PCDHGB1: variants seen among roughly 807,000 people sequenced by gnomAD.
The protein encoded by PCDHGB1 is protocadherin gamma-B1.
Under a neutral mutation model 56.6 loss-of-function variants are expected in PCDHGB1, and 34 were observed. The observed-to-expected ratio is 0.60, with a 90% CI of 0.46 to 0.80. The LOEUF is 0.80. Among genes scored for constraint, PCDHGB1 ranks in the 30% least tolerant of loss-of-function variants. The pLI is 0.00. For synonymous variants in PCDHGB1, 561 were observed against 505.9 expected (o/e 1.11, Z -1.46); for missense variants, 1,278 against 1,204.6 (o/e 1.06, Z -0.90).
intron 1 of PCDHGB1, among the ~76,000 whole-genome samples, chr5:141,353,461 C>T (rs981513754): frequency 6.6e-6 from 1 of 152,096 alleles, no homozygotes; most frequent in Non-Finnish European, 1.5e-5. Context: ...TTAATACAGC[C>T]TTCCAATTAT....
chr5:141,487,577 C>A lies in PCDHGB1; in HGVS notation c.2410-7230C>A. 1.2e-6 allele frequency: 2 copies of A among 1,614,150 alleles called. No individual in the cohort carries two copies. Among genetic ancestry groups the A allele is most frequent in the Non-Finnish European group, 1.7e-6 (2 of 1,180,024 alleles). ...ACCTATGGCAGGGGAGCCTGTTCGC[C>A]CAAGCTGCCCACCCTCTGATCTTCT... On this transcript the variant is annotated intron_variant, in intron 1 of 3. Coordinates refer to ENST00000523390, the MANE Select transcript of PCDHGB1 (RefSeq NM_018922.3). The surrounding 1 kb of genome is among the most constrained non-coding windows in gnomAD (Gnocchi z 5.0).
At position 141,491,891 on chromosome 5, in the gene PCDHGB1, G is replaced by T. The variant is rs1487484740; in HGVS notation, c.2410-2916G>T. On this transcript the variant is annotated intron_variant, in intron 1 of 3. Coordinates refer to ENST00000523390, the MANE Select transcript of PCDHGB1 (RefSeq NM_018922.3). This position sits in a 1 kb window ranked among gnomAD's most constrained non-coding sequence, Gnocchi z 6.9. ...GTGGCCGATTAAGGGATGGGGCTCC[G>T]AGCACCGGGGGTGGTGGCGACTGTG... 19 of 1,439,438 alleles carry T rather than the reference G, an allele frequency of 1.3e-5. No homozygotes were observed. The East Asian group carries it at 4.8e-4, about 36-fold the overall frequency. 89.2% of individuals were successfully genotyped at this position (1,439,438 alleles called of 1,614,324 possible). A position where few individuals can be genotyped will look rare whatever the true frequency, so the allele number is the denominator to read the frequency against.
At chr5:141,382,816 T>G (rs1778462841) in intron 1 of PCDHGB1, 1 of 1,275,448 alleles carries the variant, frequency 7.8e-7, no homozygotes, top group Non-Finnish European at 1.1e-6. Context: ...CTCCCCTTCC[T>G]AAGACAGAGG....
Position 141,486,092 on chromosome 5 carries a change from C to G in PCDHGB1, c.2410-8715C>G. ...TACTGGAAAGCTTACTCTTTTGGGG[C>G]CCCTAGACTTTGAGAGTGAGAATTA... On this transcript the variant is annotated intron_variant, in intron 1 of 3. Transcript: ENST00000523390. The surrounding 1 kb of genome is among the most constrained non-coding windows in gnomAD (Gnocchi z 5.0). The G allele has an allele frequency of 6.2e-7, 1 of 1,614,148 alleles. No individual in the cohort carries two copies. Among genetic ancestry groups the G allele is most frequent in the South Asian group, 1.1e-5 (1 of 91,080 alleles).
chr5:141,364,876 G>C (rs1763590066), intron 1 of PCDHGB1: 1 of 1,613,964 alleles, frequency 6.2e-7, no homozygotes. Flanking sequence ...CTCTGGATGT[G>C]GTAAGCGGAA....
chr5:141,389,993 G>GCTCT (rs1379154076), intron 1 of PCDHGB1: 4 of 1,614,016 alleles, frequency 2.5e-6, no homozygotes, highest in Non-Finnish European at 2.5e-6. Flanking sequence ...TCTTCCTCGT[G>GCTCT]GCCATGATTC....
chr5:141,404,242 G>A (rs372976589), intron 1 of PCDHGB1: 30 of 1,613,344 alleles, frequency 1.9e-5, no homozygotes, highest in Non-Finnish European at 2.4e-5. Flanking sequence ...GAGGAACTCC[G>A]CCCCTGTCCA....
At chr5:141,365,775 GCGACAACGCTC>G (rs763426695) in intron 1 of PCDHGB1, 1 of 1,613,864 alleles carries the variant, frequency 6.2e-7, no homozygotes, top group East Asian at 2.2e-5. Flanking sequence ...CCCGACAGCG[GCGACAACGCTC>G]GAGTCACCTA....
At chr5:141,374,135 A>G (rs564020884) in intron 1 of PCDHGB1, 17 of 1,605,796 alleles carry the variant, frequency 1.1e-5, no homozygotes, top group Non-Finnish European at 1.4e-5. Context: ...CCTGCTCCTC[A>G]CGCTCCTGGG....
chr5:141,383,196 T>G, intron 1 of PCDHGB1: 3 of 1,613,866 alleles, frequency 1.9e-6, no homozygotes, highest in Non-Finnish European at 2.5e-6. Flanking sequence ...GCGCTCAGAG[T>G]GCGCGGTGTC....
rs1236961370 is a variant in PCDHGB1, at chr5:141,512,621, C to T, written c.*1448C>T. 1 of 152,964 alleles carries T rather than the reference C, an allele frequency of 6.5e-6. No homozygotes were observed. The highest frequency in any genetic ancestry group is 1.5e-5 in the Non-Finnish European group (1 of 68,612). 9.5% of individuals were successfully genotyped at this position (152,964 alleles called of 1,614,324 possible). A position where few individuals can be genotyped will look rare whatever the true frequency, so the allele number is the denominator to read the frequency against. Reference sequence around the variant, plus strand: ...CCATCCAGCGGGGCTGCCAGAGAACCCCAGACCTGCCCTTACAGTAGTGTA... The same window carrying T: ...CCATCCAGCGGGGCTGCCAGAGAACTCCAGACCTGCCCTTACAGTAGTGTA... On this transcript the variant is annotated 3_prime_UTR_variant, in exon 4 of 4. Coordinates refer to ENST00000523390, the MANE Select transcript of PCDHGB1 (RefSeq NM_018922.3).
chr5:141,493,679 G>C lies in PCDHGB1; in HGVS notation c.2410-1128G>C. On this transcript the variant is annotated intron_variant, in intron 1 of 3. Transcript: ENST00000523390. This position sits in a 1 kb window ranked among gnomAD's most constrained non-coding sequence, Gnocchi z 4.3. ...CCTTCTCCATGGCAGCCCCAGAATG[G>C]TGCTGGTGACTCCCGATACACCTGG... Among the ~76,000 whole-genome samples the C allele has an allele frequency of 6.6e-6, 1 of 152,198 alleles. No individual in the cohort carries two copies. Among genetic ancestry groups the C allele is most frequent in the African/African-American group, 2.4e-5 (1 of 41,446 alleles).
chr5:141,383,736 T>C (rs1388139242), intron 1 of PCDHGB1: 1 of 1,614,002 alleles, frequency 6.2e-7, no homozygotes, highest in Non-Finnish European at 8.5e-7. Context: ...AAGTGACATA[T>C]TCTTTTCGGA....
At chr5:141,453,083 A>G (rs1404530649) in intron 1 of PCDHGB1, among the ~76,000 whole-genome samples, 1 of 152,044 alleles carries the variant, frequency 6.6e-6, no homozygotes, top group African/African-American at 2.4e-5. Flanking sequence ...CTGGTTGATT[A>G]GTATATTTTC....
At chr5:141,431,000 A>G (rs1272572092) in intron 1 of PCDHGB1, 4 of 1,613,898 alleles carry the variant, frequency 2.5e-6, no homozygotes, top group African/African-American at 1.3e-5. Flanking sequence ...GAATCCGCGC[A>G]GCGGCAGCTT....
chr5:141,364,767 C>T (rs868142397), intron 1 of PCDHGB1: 1 of 1,613,876 alleles, frequency 6.2e-7, no homozygotes, highest in Non-Finnish European at 8.5e-7. Flanking sequence ...AATGAAAATG[C>T]GGCTGCAGGG....
intron 1 of PCDHGB1, chr5:141,372,263 G>T (rs373583904): frequency 2.5e-6 from 4 of 1,613,110 alleles, no homozygotes; most frequent in African/African-American, 1.3e-5. Flanking sequence ...GCCTGCGCAC[G>T]GGTGAGGTGC....
intron 1 of PCDHGB1, among the ~76,000 whole-genome samples, chr5:141,401,643 A>G (rs973841801): frequency 6.6e-6 from 1 of 152,262 alleles, no homozygotes; most frequent in African/African-American, 2.4e-5. Context: ...AGCTTTAAAT[A>G]TAAATGACTG....
intron 1 of PCDHGB1, among the ~76,000 whole-genome samples, chr5:141,406,791 C>T (rs893207613): frequency 2.0e-5 from 3 of 152,182 alleles, no homozygotes; most frequent in Non-Finnish European, 4.4e-5. Context: ...TATATTATTT[C>T]TGGCTCAATT....
Sources: allele counts gnomAD v4.1 joint callset (sites outside exome capture counted in the v4.1 genomes callset), GRCh38; gene constraint gnomAD v4.1.1; non-coding constraint Gnocchi (gnomAD v3.1); transcripts MANE v1.5; gene names NCBI Gene and HGNC (gene_info 2026-07-23, HGNC 2026-07-21).